The following CACNA2D3 variants were observed in gnomAD, a reference collection of about 807,000 sequenced individuals.
CACNA2D3 encodes calcium voltage-gated channel auxiliary subunit alpha2delta 3.
In CACNA2D3, 60 loss-of-function variants were observed where a neutral mutation model predicts 160.6. The ratio of observed to expected loss-of-function variants is 0.37; its 90% confidence interval spans 0.30 to 0.46. The LOEUF (loss-of-function observed/expected upper bound fraction) is 0.46, where lower values mean the gene tolerates loss of function less well. Among genes scored for constraint, CACNA2D3 ranks in the 20% least tolerant of loss-of-function variants. The probability of loss-of-function intolerance (pLI) is 1.00; values close to 1 mark genes in which losing one functional copy is unlikely to be tolerated. For missense variants in CACNA2D3, 1,205 were observed against 1,365.0 expected, an observed-to-expected ratio of 0.88 and a Z score of 1.85; for synonymous variants, 558 against 492.9, an observed-to-expected ratio of 1.13 and a Z score of -1.75.
intron 4 of CACNA2D3, among the ~76,000 whole-genome samples, chr3:54,397,318 C>T: frequency 1.7e-5 from 1 of 57,280 alleles, no homozygotes; most frequent in African/African-American, 7.5e-5. Flanking sequence ...CTATTTCCTT[C>T]AGTTCTGCTC....
intron 2 of CACNA2D3, among the ~76,000 whole-genome samples, chr3:54,252,319 GACTT>G (rs1464579518): frequency 2.6e-5 from 4 of 152,000 alleles, no homozygotes; most frequent in African/African-American, 9.7e-5. Flanking sequence ...GATATACAAG[GACTT>G]ACTTGTAGAA....
intron 2 of CACNA2D3, among the ~76,000 whole-genome samples, chr3:54,240,255 A>G (rs1701951879): frequency 1.3e-5 from 2 of 152,082 alleles, no homozygotes; most frequent in Admixed American, 1.3e-4. Context: ...AACATCCCAG[A>G]TAGGAGCCAC....
At chr3:55,066,467 G>A (rs907900622) in intron 35 of CACNA2D3, among the ~76,000 whole-genome samples, 1 of 152,100 alleles carries the variant, frequency 6.6e-6, no homozygotes, top group African/African-American at 2.4e-5. Context: ...GCAATCCTGT[G>A]GTCCTCGGGG....
At chr3:54,608,779 T>C (rs1698687648) in intron 9 of CACNA2D3, among the ~76,000 whole-genome samples, 1 of 152,228 alleles carries the variant, frequency 6.6e-6, no homozygotes, top group Non-Finnish European at 1.5e-5. Context: ...TTTAAAAGAA[T>C]GCACAATCTA....
chr3:54,790,957 G>A (rs1702742693), intron 13 of CACNA2D3, among the ~76,000 whole-genome samples: 1 of 152,148 alleles, frequency 6.6e-6, no homozygotes, highest in Non-Finnish European at 1.5e-5. Context: ...TCACTTCTGT[G>A]GTGTCTCCTG....
chr3:54,458,150 C>G (rs1014836724), intron 4 of CACNA2D3, among the ~76,000 whole-genome samples: 1 of 151,986 alleles, frequency 6.6e-6, no homozygotes, highest in Admixed American at 6.6e-5. Flanking sequence ...TTTTTGATAT[C>G]CTTTGTTCCT....
intron 11 of CACNA2D3, among the ~76,000 whole-genome samples, chr3:54,736,548 A>T (rs1229206189): frequency 6.6e-6 from 1 of 152,208 alleles, no homozygotes; most frequent in Non-Finnish European, 1.5e-5. Flanking sequence ...AGCCGAAAGG[A>T]TATTTCCCAA....
intron 3 of CACNA2D3, among the ~76,000 whole-genome samples, chr3:54,374,879 C>A (rs1698983232): frequency 6.6e-6 from 1 of 152,040 alleles, no homozygotes; most frequent in South Asian, 2.1e-4. Flanking sequence ...TTGAGAACAT[C>A]TAGATAACAT....
chr3:54,760,911 C>T (rs868825837), intron 12 of CACNA2D3, among the ~76,000 whole-genome samples: 1 of 152,074 alleles, frequency 6.6e-6, no homozygotes, highest in Non-Finnish European at 1.5e-5. Flanking sequence ...CTAGTTATCC[C>T]TGTGGAGGTG....
At chr3:54,497,386 A>T (rs1170369502) in intron 4 of CACNA2D3, among the ~76,000 whole-genome samples, 1 of 152,064 alleles carries the variant, frequency 6.6e-6, no homozygotes, top group Non-Finnish European at 1.5e-5. Context: ...ATGCTATCAT[A>T]AATGCTATTA....
At chr3:54,144,305 C>T (rs1699986637) in intron 2 of CACNA2D3, among the ~76,000 whole-genome samples, 1 of 152,128 alleles carries the variant, frequency 6.6e-6, no homozygotes, top group African/African-American at 2.4e-5. Flanking sequence ...AAGGTTGTTG[C>T]CCAGGTTTCC....
Position 54,627,816 on chromosome 3 carries a change from C to G in CACNA2D3, c.993C>G (p.Phe331Leu), listed in dbSNP as rs375011891. 6.2e-7 allele frequency: 1 copy of G among 1,610,520 alleles called. No individual in the cohort carries two copies. The change falls in exon 10 of 38, where the codon TTC (phenylalanine) becomes TTG (leucine). Residue 331 changes from phenylalanine to leucine, a missense_variant. Phe to Leu is a conservative substitution (Grantham distance 22). Coordinates refer to ENST00000474759, the MANE Select transcript of CACNA2D3 (RefSeq NM_018398.3). ...EHFREHLDKL[F>L]AKGIGMLDIA... ...TCAGGGAGCATCTGGACAAACTTTT[C>G]GCCAAAGGAATTGGAATGTTGGATA...
rs9311543 is a variant in CACNA2D3, at chr3:54,883,799, A to ATC, written c.1913-1459_1913-1458dup. On this transcript the variant is annotated intron_variant, in intron 21 of 37. Transcript: ENST00000474759. ...TCCTGACCTCCATAGTTACAATGGA[A>ATC]TCTCTCTCTCTCTCTCTCTCTCTCC... 6.3e-4 allele frequency among the ~76,000 whole-genome samples: 68 copies of ATC among 107,470 alleles called. 1 individual carries two copies. Among genetic ancestry groups the ATC allele is most frequent in the South Asian group, 2.8e-3 (7 of 2,532 alleles). 70.5% of individuals were successfully genotyped at this position (107,470 alleles called of 152,430 possible). A position where few individuals can be genotyped will look rare whatever the true frequency, so the allele number is the denominator to read the frequency against.
chr3:54,352,168 A>T (rs1698575886), intron 3 of CACNA2D3, among the ~76,000 whole-genome samples: 1 of 152,208 alleles, frequency 6.6e-6, no homozygotes, highest in African/African-American at 2.4e-5. Flanking sequence ...ACAGGATAGC[A>T]GGTGTACCTG....
rs533479394 is a variant in CACNA2D3, at chr3:54,474,486, G to C, written c.382-29006G>C. Among the ~76,000 whole-genome samples, 3 of 152,188 alleles carry C rather than the reference G, an allele frequency of 2.0e-5. No individual in the cohort carries two copies. The East Asian group carries it at 5.8e-4, about 29-fold the overall frequency. On this transcript the variant is annotated intron_variant, in intron 4 of 37. Coordinates refer to ENST00000474759, the MANE Select transcript of CACNA2D3 (RefSeq NM_018398.3). Reference sequence around the variant, plus strand: ...TGGGTGCAGCAAACCACTATGGCACGTGTGTACCTGTGTAACAAACCTTCA... The same window carrying C: ...TGGGTGCAGCAAACCACTATGGCACCTGTGTACCTGTGTAACAAACCTTCA...
intron 11 of CACNA2D3, among the ~76,000 whole-genome samples, chr3:54,682,160 A>AGC (rs201176478): frequency 8.2e-6 from 1 of 121,820 alleles, no homozygotes; most frequent in East Asian, 2.0e-4. Flanking sequence ...AAAACAGAAC[A>AGC]GCACACACAC....
intron 12 of CACNA2D3, among the ~76,000 whole-genome samples, chr3:54,763,477 C>T (rs1702122060): frequency 6.6e-6 from 1 of 151,744 alleles, no homozygotes; most frequent in Non-Finnish European, 1.5e-5. Context: ...TAAAAATGAA[C>T]TAGCCTTTAA....
intron 27 of CACNA2D3, among the ~76,000 whole-genome samples, chr3:54,923,170 T>C (rs1398948104): frequency 1.3e-5 from 2 of 152,132 alleles, no homozygotes; most frequent in East Asian, 3.9e-4. Context: ...CTAAAACTCT[T>C]CAAGAGCTTT....
Position 54,265,163 on chromosome 3 carries a change from G to A in CACNA2D3, c.205-55279G>A, listed in dbSNP as rs9858447. ...TAGATCCTTGAGGAATCACCACACTGTCTTCCACAATGGTTGAACTAATTT... is the reference window on the plus strand; with the variant it reads ...TAGATCCTTGAGGAATCACCACACTATCTTCCACAATGGTTGAACTAATTT... On this transcript the variant is annotated intron_variant, in intron 2 of 37. Transcript: ENST00000474759. Among the ~76,000 whole-genome samples, 1,149 of 152,286 alleles carry A rather than the reference G, an allele frequency of 7.5e-3. 6 individuals carry two copies. Among genetic ancestry groups the A allele is most frequent in the African/African-American group, 0.017 (718 of 41,564 alleles).
Sources: allele counts gnomAD v4.1 joint callset (sites outside exome capture counted in the v4.1 genomes callset), GRCh38; gene constraint gnomAD v4.1.1; transcripts MANE v1.5; gene names NCBI Gene and HGNC (gene_info 2026-07-23, HGNC 2026-07-21).